Variants in POGZ observed in about 807,000 individuals in gnomAD.
POGZ encodes pogo transposable element with ZNF domain.
A neutral mutation model predicts 134.6 loss-of-function variants in POGZ; 17 were observed. The ratio of observed to expected loss-of-function variants is 0.13; its 90% confidence interval spans 0.09 to 0.19. The LOEUF is 0.19. Among genes scored for constraint, POGZ ranks in the 10% least tolerant of loss-of-function variants. POGZ has a pLI of 1.00. For missense variants in POGZ, 1,306 were observed against 1,769.7 expected (o/e 0.74, Z 4.70); for synonymous variants, 693 against 657.1 (o/e 1.05, Z -0.84).
At chr1:151,416,328 G>A (rs1020340255) in intron 10 of POGZ, among the ~76,000 whole-genome samples, 13 of 150,688 alleles carry the variant, frequency 8.6e-5, no homozygotes, top group South Asian at 4.2e-4. Context: ...AGGCCAAAGC[G>A]GGTGGCTCAC....
At chr1:151,422,717 G>A (rs1426681697) in intron 10 of POGZ, among the ~76,000 whole-genome samples, 7 of 151,890 alleles carry the variant, frequency 4.6e-5, no homozygotes, top group Admixed American at 2.0e-4. Flanking sequence ...TCAGCCTCCC[G>A]AGTAGCTGGG....
chr1:151,403,079 G>C lies in POGZ; in HGVS notation c.*1723C>G, dbSNP rs1306174636. The C allele has an allele frequency of 3.4e-6, 1 of 296,956 alleles. No individual in the cohort carries two copies. The highest frequency in any genetic ancestry group is 5.0e-6 in the Non-Finnish European group (1 of 200,242). The allele number at this position is 296,956 out of a possible 1,614,324, so 18.4% of individuals were successfully genotyped here. On this transcript the variant is annotated 3_prime_UTR_variant, in exon 19 of 19. Transcript: ENST00000271715. ...TCAATAAAATGGCATCAGGCAAAAA[G>C]CTGGGGAAGAGAAGCCCAGATGGAT...
At chr1:151,436,461 G>A (rs769043929) in intron 3 of POGZ, among the ~76,000 whole-genome samples, 1 of 150,328 alleles carries the variant, frequency 6.7e-6, no homozygotes, top group African/African-American at 2.4e-5. Context: ...TCTTTTTTTT[G>A]AGACAGAGTT....
intron 5 of POGZ, among the ~76,000 whole-genome samples, chr1:151,429,208 A>AT (rs1372170758): frequency 2.6e-5 from 4 of 152,172 alleles, no homozygotes. Context: ...AAGGAATGTC[A>AT]TTTGTTTATA....
intron 10 of POGZ, among the ~76,000 whole-genome samples, chr1:151,418,178 C>T (rs952631189): frequency 2.0e-5 from 3 of 151,372 alleles, no homozygotes; most frequent in Admixed American, 6.6e-5. Context: ...ATTGCACTAC[C>T]GCACCTCAGC....
chr1:151,424,355 C>G, intron 8 of POGZ, 69 bp from the exon 9 acceptor site: 1 of 936,480 alleles, frequency 1.1e-6, no homozygotes, highest in Non-Finnish European at 1.6e-6. Flanking sequence ...CTTAACTTCA[C>G]TACCATTCCT....
At chr1:151,457,466 TTAC>T (rs1557962928) in intron 1 of POGZ, among the ~76,000 whole-genome samples, 1 of 152,178 alleles carries the variant, frequency 6.6e-6, no homozygotes, top group Non-Finnish European at 1.5e-5. Flanking sequence ...CACCTTCAAG[TTAC>T]TTTTTATGCA....
chr1:151,447,377 C>T (rs1312047294), intron 1 of POGZ, among the ~76,000 whole-genome samples: 1 of 149,624 alleles, frequency 6.7e-6, no homozygotes, highest in Non-Finnish European at 1.5e-5. Context: ...ATCTTAAAAA[C>T]AAAAAAATTG....
intron 1 of POGZ, among the ~76,000 whole-genome samples, chr1:151,445,590 G>A (rs1379696195): frequency 9.6e-6 from 1 of 104,318 alleles, no homozygotes; most frequent in East Asian, 2.0e-4. Flanking sequence ...TCCAACTTAT[G>A]GGGAAATATT....
intron 1 of POGZ, among the ~76,000 whole-genome samples, chr1:151,456,546 C>T (rs552185882): frequency 6.6e-6 from 1 of 152,340 alleles, no homozygotes; most frequent in Admixed American, 6.5e-5. Context: ...CTCACAAATG[C>T]TTTTCCTTCA....
At chr1:151,434,326 T>C (rs1431183379) in intron 3 of POGZ, among the ~76,000 whole-genome samples, 1 of 151,310 alleles carries the variant, frequency 6.6e-6, no homozygotes, top group Non-Finnish European at 1.5e-5. Context: ...AAATGAAAAA[T>C]AGCTAGGCAT....
At position 151,444,745 on chromosome 1, in the gene POGZ, T is replaced by C. The variant is rs756132892; in HGVS notation, c.-1-2540A>G. ...TACCTTAAGAGTTTCAGTTCTTTAT[T>C]TTATAAAGCAATGAATTTTAATAAG... On this transcript the variant is annotated intron_variant, in intron 1 of 18. Transcript: ENST00000271715. 1.8e-4 allele frequency among the ~76,000 whole-genome samples: 28 copies of C among 152,212 alleles called. 1 individual carries two copies. The highest frequency in any genetic ancestry group is 4.1e-4 in the South Asian group (2 of 4,830).
chr1:151,412,927 G>A (rs1258855311), intron 10 of POGZ, among the ~76,000 whole-genome samples: 2 of 151,972 alleles, frequency 1.3e-5, no homozygotes, highest in Non-Finnish European at 2.9e-5. Flanking sequence ...TCAAGCTTAT[G>A]AGAAAAAATT....
intron 1 of POGZ, among the ~76,000 whole-genome samples, chr1:151,458,386 A>G (rs536532085): frequency 2.7e-4 from 41 of 152,200 alleles, no homozygotes; most frequent in African/African-American, 9.4e-4. Context: ...CGCCATCCCA[A>G]AAGAAATTTG....
intron 7 of POGZ, 21 bp downstream of exon 7, chr1:151,427,802 G>C: frequency 6.7e-7 from 1 of 1,489,516 alleles, no homozygotes; most frequent in Non-Finnish European, 9.4e-7. Flanking sequence ...TGGCTGCTCA[G>C]AGTCTTTCAG....
intron 5 of POGZ, 194 bp downstream of exon 5, chr1:151,429,409 C>T: frequency 2.8e-6 from 1 of 362,776 alleles, no homozygotes. Context: ...AAAAGCTAAA[C>T]AGAAATAAAT....
chr1:151,425,387 C>T (rs1038855082), intron 7 of POGZ: 2 of 171,114 alleles, frequency 1.2e-5, no homozygotes, highest in African/African-American at 4.8e-5. Context: ...CAAATCCAGC[C>T]CAGCTACCAG....
At chr1:151,434,467 T>C (rs1453754536) in intron 3 of POGZ, among the ~76,000 whole-genome samples, 3 of 152,120 alleles carry the variant, frequency 2.0e-5, no homozygotes, top group African/African-American at 7.2e-5. Context: ...GGTGACAAAG[T>C]GAGACCCCAT....
At position 151,459,324 on chromosome 1, in the gene POGZ, C is replaced by T. The variant is rs924215202; in HGVS notation, c.-174G>A. On this transcript the variant is annotated 5_prime_UTR_variant, in exon 1 of 19. Coordinates refer to ENST00000271715, the MANE Select transcript of POGZ (RefSeq NM_015100.4). ...TCGTCTCCCCAAGGGTGAAAGGAAGCCTCCCTCGGGTTCGAGTGATTCGGG... is the reference window on the plus strand; with the variant it reads ...TCGTCTCCCCAAGGGTGAAAGGAAGTCTCCCTCGGGTTCGAGTGATTCGGG... 6.6e-6 allele frequency: 1 copy of T among 151,206 alleles called. No individual in the cohort carries two copies. Among genetic ancestry groups the T allele is most frequent in the Non-Finnish European group, 1.5e-5 (1 of 67,878 alleles). 9.4% of individuals were successfully genotyped at this position (151,206 alleles called of 1,614,324 possible). A position where few individuals can be genotyped will look rare whatever the true frequency, so the allele number is the denominator to read the frequency against.
Sources: gnomAD v4.1 joint callset for allele counts (sites outside exome capture counted in the v4.1 genomes callset) on GRCh38, gnomAD v4.1.1 for gene constraint, MANE v1.5 for transcripts, NCBI Gene and HGNC (gene_info 2026-07-23, HGNC 2026-07-21) for gene names.